The following SLCO1B3 variants were observed in gnomAD, a reference collection of about 807,000 sequenced individuals.
SLCO1B3 encodes the protein solute carrier organic anion transporter family member 1B3, also known as liver-specific organic anion transporter 2.
SLCO1B3 carries 72 observed loss-of-function variants against 71.8 expected under a neutral mutation model. The observed-to-expected ratio is 1.00, with a 90% confidence interval of 0.83 to 1.22. SLCO1B3 has a LOEUF of 1.22. Among genes scored for constraint, SLCO1B3 ranks in the 50% most tolerant of loss-of-function variants. SLCO1B3 has a pLI of 0.00. For missense variants in SLCO1B3, 911 were observed against 819.7 expected, an observed-to-expected ratio of 1.11 and a Z score of -1.36; for synonymous variants, 298 against 278.4, an observed-to-expected ratio of 1.07 and a Z score of -0.70.
chr12:20,868,713 A>G (rs10841680), intron 8 of SLCO1B3, among the ~76,000 whole-genome samples: 109,694 of 151,560 alleles, frequency 0.72, 42,295 homozygotes, highest in South Asian at 0.9. Flanking sequence ...CCACCAATGC[A>G]CAGAGACTGG....
intron 3 of SLCO1B3, 85 bp from the exon 4 acceptor site, chr12:20,854,943 A>T (rs1234615187): frequency 7.8e-7 from 1 of 1,279,894 alleles, no homozygotes; most frequent in Admixed American, 2.5e-5. Flanking sequence ...AGTAAAGAAG[A>T]AAAACTGTTT....
At chr12:20,814,080 T>C (rs1310874608) in intron 2 of SLCO1B3, among the ~76,000 whole-genome samples, 1 of 152,192 alleles carries the variant, frequency 6.6e-6, no homozygotes, top group African/African-American at 2.4e-5. Flanking sequence ...ATATATATGC[T>C]ATATACATAA....
At chr12:20,818,273 T>G (rs950517989) in intron 3 of SLCO1B3, among the ~76,000 whole-genome samples, 2 of 152,148 alleles carry the variant, frequency 1.3e-5, no homozygotes, top group Non-Finnish European at 2.9e-5. Context: ...TAATAGACTA[T>G]TAGTTTGTCA....
intron 15 of SLCO1B3, among the ~76,000 whole-genome samples, chr12:20,909,173 T>C (rs1018554765): frequency 6.7e-6 from 1 of 148,650 alleles, no homozygotes; most frequent in Admixed American, 6.7e-5. Flanking sequence ...TTCTTTTTTT[T>C]TTTTTTTTTT....
intron 3 of SLCO1B3, among the ~76,000 whole-genome samples, chr12:20,820,961 G>T (rs140489776): frequency 6.6e-6 from 1 of 152,290 alleles, no homozygotes; most frequent in African/African-American, 2.4e-5. Context: ...CTGTAAGCCG[G>T]ATCAGGTGTG....
At chr12:20,819,399 T>C in intron 3 of SLCO1B3, among the ~76,000 whole-genome samples, 1 of 152,156 alleles carries the variant, frequency 6.6e-6, no homozygotes. Context: ...GCAGCCCAGG[T>C]AATTTGCTGA....
chr12:20,879,321 TAAAG>T, intron 10 of SLCO1B3, 111 bp from the exon 11 acceptor site: 2 of 727,594 alleles, frequency 2.7e-6, no homozygotes, highest in South Asian at 2.3e-5. Context: ...ACCCTTCTCT[TAAAG>T]AAATAAGAAT....
intron 3 of SLCO1B3, among the ~76,000 whole-genome samples, chr12:20,826,554 C>CT (rs34227535): frequency 0.045 from 6,716 of 148,278 alleles, 388 homozygotes; most frequent in African/African-American, 0.13. Context: ...AACTTGATCA[C>CT]TTTTTTTTTT....
chr12:20,906,297 C>CA, intron 15 of SLCO1B3, among the ~76,000 whole-genome samples: 1 of 152,210 alleles, frequency 6.6e-6, no homozygotes, highest in South Asian at 2.1e-4. Context: ...GTAGAAAAAG[C>CA]AAAACAATGG....
chr12:20,889,002 C>T (rs550949749), intron 13 of SLCO1B3, among the ~76,000 whole-genome samples: 10 of 151,298 alleles, frequency 6.6e-5, no homozygotes, highest in South Asian at 2.1e-4. Flanking sequence ...ATTTTTGATT[C>T]GCATATGTTG....
rs748633316 is a variant in SLCO1B3 at position 20,901,353 on chromosome 12, G to A, written c.1751G>A (p.Gly584Glu). The A allele has an allele frequency of 1.9e-6, 3 of 1,554,168 alleles. No individual in the cohort carries two copies. The highest frequency in any genetic ancestry group is 1.8e-5 in the Admixed American group (1 of 54,100). Residue 584 changes from glycine to glutamate, a missense_variant, in exon 15 of 16, where the codon GGA (glycine) becomes GAA (glutamate). Coordinates refer to ENST00000381545, the MANE Select transcript of SLCO1B3 (RefSeq NM_019844.4). ...FQSMVIRTLG[G>E]ILAPIYFGAL... ...ATCTTTTTATCTCATGTTGCAGGAG[G>A]AATTCTAGCTCCAATATATTTTGGG...
intron 3 of SLCO1B3, among the ~76,000 whole-genome samples, chr12:20,832,343 G>A (rs945277152): frequency 1.3e-5 from 2 of 151,972 alleles, no homozygotes; most frequent in African/African-American, 4.8e-5. Flanking sequence ...ACCATTATTT[G>A]ATTATTTTCC....
chr12:20,864,268 C>A (rs1181034539), intron 8 of SLCO1B3, among the ~76,000 whole-genome samples: 1 of 151,818 alleles, frequency 6.6e-6, no homozygotes, highest in Non-Finnish European at 1.5e-5. Context: ...TTTATTGTAG[C>A]CCTTCTCACA....
Position 20,883,845 on chromosome 12 carries a change from A to T in SLCO1B3, c.1682+243A>T, listed in dbSNP as rs1565601808. Among the ~76,000 whole-genome samples, 4 of 65,680 alleles carry T rather than the reference A, an allele frequency of 6.1e-5. No individual in the cohort carries two copies. In the Admixed American group the frequency reaches 8.1e-4, roughly 13 times the overall value. 43.1% of individuals were successfully genotyped at this position (65,680 alleles called of 152,430 possible). ...CTCTTTAATAAAAATCTTAAGGCAC[A>T]CACTGATTGACAGTTGCCTTGATTG... is the stretch of plus-strand genomic sequence containing the variant. On this transcript the variant is annotated intron_variant, in intron 13 of 15. Coordinates refer to ENST00000381545, the MANE Select transcript of SLCO1B3 (RefSeq NM_019844.4).
At chr12:20,897,671 T>C (rs183430338) in intron 13 of SLCO1B3, among the ~76,000 whole-genome samples, 37 of 152,334 alleles carry the variant, frequency 2.4e-4, no homozygotes, top group African/African-American at 8.4e-4. Flanking sequence ...AAAAAAACCC[T>C]TTTTATCAGT....
chr12:20,813,812 A>T (rs1282966249), intron 2 of SLCO1B3, among the ~76,000 whole-genome samples, 174 bp downstream of exon 2: 1 of 152,204 alleles, frequency 6.6e-6, no homozygotes, highest in African/African-American at 2.4e-5. Context: ...CAGTCACCTA[A>T]CACTGTATCT....
chr12:20,916,516 C>A lies in SLCO1B3; in HGVS notation c.*269C>A, dbSNP rs1168993826. 1 of 250,684 alleles carries A rather than the reference C, an allele frequency of 4.0e-6. No individual in the cohort carries two copies. Among genetic ancestry groups the A allele is most frequent in the Non-Finnish European group, 7.7e-6 (1 of 129,364 alleles). The allele number at this position is 250,684 out of a possible 1,614,324, so 15.5% of individuals were successfully genotyped here. ...TTGGTAGTTGTAACTGCTAATAAAA[C>A]CAGTGACTAGAATATAAGGGAGGTA... On this transcript the variant is annotated 3_prime_UTR_variant, in exon 16 of 16. Coordinates refer to ENST00000381545, the MANE Select transcript of SLCO1B3 (RefSeq NM_019844.4).
chr12:20,817,456 G>A (rs1213648417), intron 3 of SLCO1B3, among the ~76,000 whole-genome samples: 1 of 152,120 alleles, frequency 6.6e-6, no homozygotes, highest in Non-Finnish European at 1.5e-5. Context: ...CCCATTGAAT[G>A]TTCCTGGCAC....
At chr12:20,870,284 G>A (rs540852146) in intron 8 of SLCO1B3, among the ~76,000 whole-genome samples, 1 of 151,940 alleles carries the variant, frequency 6.6e-6, no homozygotes, top group Non-Finnish European at 1.5e-5. Context: ...TCCGTATGTT[G>A]CCTTTTCACT....
Sources: allele counts gnomAD v4.1 joint callset (sites outside exome capture counted in the v4.1 genomes callset), GRCh38; gene constraint gnomAD v4.1.1; transcripts MANE v1.5; gene names NCBI Gene and HGNC (gene_info 2026-07-23, HGNC 2026-07-21).